Variants in KRT32 observed in about 807,000 individuals in gnomAD.
KRT32 encodes the protein keratin 32, also known as keratin, type I cuticular Ha2.
KRT32 carries 44 observed loss-of-function variants against 41.8 expected under a neutral mutation model. The observed-to-expected ratio is 1.05, with a 90% CI of 0.83 to 1.35. The LOEUF (loss-of-function observed/expected upper bound fraction) is 1.35. KRT32 is among the 40% of genes most tolerant of loss of function. The pLI is 0.00. For missense variants in KRT32, 576 were observed against 584.6 expected, an observed-to-expected ratio of 0.99 and a Z score of 0.15; for synonymous variants, 238 against 242.5, an observed-to-expected ratio of 0.98 and a Z score of 0.17.
chr17:41,461,671 G>A (rs989058431), intron 6 of KRT32, among the ~76,000 whole-genome samples: 1 of 152,246 alleles, frequency 6.6e-6, no homozygotes, highest in Non-Finnish European at 1.5e-5. Flanking sequence ...ATTGGACAAG[G>A]CAAGAGCTTT....
At position 41,466,143 on chromosome 17, in the gene KRT32, C is replaced by T. The variant is rs1043093479; in HGVS notation, c.502G>A (p.Val168Ile). 1.9e-6 allele frequency: 3 copies of T among 1,614,148 alleles called. No individual in the cohort carries two copies. The highest frequency in any genetic ancestry group is 2.5e-6 in the Non-Finnish European group (3 of 1,180,024). The change falls in exon 2 of 7, where the codon GTT becomes ATT. Residue 168 changes from valine (V) to isoleucine (I), a missense_variant. Transcript: ENST00000225899. The part of the protein sequence containing the change: ...LCTKAENARM[V>I]VNIDNAKLAA... ...AGTTTGGCATTATCAATGTTCACAA[C>T]CATCCTGGCATTCTCTGCCTTGGTA...
In KRT32 at chr17:41,466,937, T is replaced by C. The variant is rs1299439167; in HGVS notation, c.389A>G (p.Glu130Gly). Residue 130 changes from glutamate (E) to glycine (G), a missense_variant, in exon 1 of 7, where the codon GAG becomes GGG. Transcript: ENST00000225899. ...ENAELESRIQEASHSQVLTMT... is the reference protein window; with the variant it reads ...ENAELESRIQGASHSQVLTMT... ...GGTGAGCACCTGGGAGTGAGAGGCC[T>C]CTTGGATCCTGCTCTCCAGCTCCGC... The C allele has an allele frequency of 1.2e-6, 2 of 1,614,244 alleles. No individual in the cohort carries two copies. Among genetic ancestry groups the C allele is most frequent in the Non-Finnish European group, 1.7e-6 (2 of 1,180,044 alleles).
intron 6 of KRT32, among the ~76,000 whole-genome samples, chr17:41,462,221 C>T (rs773345267): frequency 1.6e-4 from 25 of 152,122 alleles, no homozygotes; most frequent in Non-Finnish European, 3.5e-4. Context: ...AAACAATTTC[C>T]ACTCACCTAT....
intron 6 of KRT32, among the ~76,000 whole-genome samples, chr17:41,460,485 C>G (rs976021815): frequency 3.3e-5 from 5 of 152,146 alleles, no homozygotes; most frequent in African/African-American, 1.2e-4. Flanking sequence ...CTTCTACAGT[C>G]ACAAATCCAA....
intron 5 of KRT32, 66 bp from the exon 6 acceptor site, chr17:41,463,116 C>T (rs1196358124): frequency 2.1e-6 from 3 of 1,443,842 alleles, no homozygotes; most frequent in Non-Finnish European, 2.8e-6. Context: ...TCAGAAAGAA[C>T]CAAGAAGAGC....
In KRT32 at chr17:41,460,131, G is replaced by C; in HGVS notation, c.1326C>G (p.Pro442=). ...GACTTCAGTAGCGGCCCTGGGGGCAGGGTGAGCAAGGCATGCCAACAGTGC... is the reference window on the plus strand; with the variant it reads ...GACTTCAGTAGCGGCCCTGGGGGCACGGTGAGCAAGGCATGCCAACAGTGC... ...VPRTVGMPCS[P]CPQGRY is the part of the protein sequence containing the mutation. Residue 442 remains proline (P), a synonymous_variant, in exon 7 of 7, where the codon CCC becomes CCG. Transcript: ENST00000225899. 1.2e-6 allele frequency: 2 copies of C among 1,612,072 alleles called. No homozygotes were observed. Among genetic ancestry groups the C allele is most frequent in the Non-Finnish European group, 1.7e-6 (2 of 1,179,046 alleles).
chr17:41,462,686 T>G, intron 6 of KRT32, 144 bp downstream of exon 6: 1 of 903,790 alleles, frequency 1.1e-6, no homozygotes, highest in Non-Finnish European at 1.7e-6. Flanking sequence ...CCTGACTTCC[T>G]TCAGAGCATA....
At position 41,465,890 on chromosome 17, in the gene KRT32, G is replaced by A. The variant is rs144482548; in HGVS notation, c.591C>T (p.Ala197=). ...AELAMRQLVE[A]DINGLRRILD... ...GGATCCTGCGCAGGCCATTGATGTC[G>A]GCCTCCACCAGCTGCCGCATGGCCA... Residue 197 remains alanine, a synonymous_variant, in exon 3 of 7, where the codon GCC becomes GCT. Transcript: ENST00000225899. 1,317 of 1,613,882 alleles carry A rather than the reference G, an allele frequency of 8.2e-4. 1 individual carries two copies. Among genetic ancestry groups the A allele is most frequent in the Non-Finnish European group, 1.1e-3 (1,242 of 1,179,882 alleles).
Position 41,462,984 on chromosome 17 carries a change from G to A in KRT32, c.1063C>T (p.Gln355Ter), listed in dbSNP as rs775539766. Reference protein sequence around the residue: ...ARYSSQLAQMQCMITNVEAQL... With the variant: ...ARYSSQLAQM ...GCCTCAACGTTGGTGATCATGCACT[G>A]CATCTGGGCCAGCTGGGAGCTGTAG... The change falls in exon 6 of 7, where the codon CAG (glutamine) becomes TAG (stop). Residue 355 changes from glutamine to a stop codon, truncating the protein, a stop_gained. Coordinates refer to ENST00000225899, the MANE Select transcript of KRT32 (RefSeq NM_002278.3). LOFTEE classifies it high-confidence loss of function. The A allele has an allele frequency of 2.5e-6, 4 of 1,614,068 alleles. No individual in the cohort carries two copies. The highest frequency in any genetic ancestry group is 3.4e-6 in the Non-Finnish European group (4 of 1,179,922).
chr17:41,464,077 C>A lies in KRT32; in HGVS notation c.996+1G>T, dbSNP rs1456289491. Reference sequence around the variant, plus strand: ...ATGGGTGCCCACCCAGCAGCTCTCACCAGGCTGTGCTGGGCCTGCAGCTCG... The same window carrying A: ...ATGGGTGCCCACCCAGCAGCTCTCAACAGGCTGTGCTGGGCCTGCAGCTCG... On this transcript the variant is annotated splice_donor_variant, in intron 5 of 6. Transcript: ENST00000225899. LOFTEE classifies it high-confidence loss of function. 6 of 1,585,814 alleles carry A rather than the reference C, an allele frequency of 3.8e-6. No homozygotes were observed. The African/African-American group carries it at 6.7e-5, about 18-fold the overall frequency.
At chr17:41,465,215 T>C (rs2019053493) in intron 3 of KRT32, among the ~76,000 whole-genome samples, 2 of 152,074 alleles carry the variant, frequency 1.3e-5, no homozygotes, top group African/African-American at 2.4e-5. Context: ...TTGAGCATTT[T>C]ATATGCAAAC....
chr17:41,463,618 T>C (rs1212145059), intron 5 of KRT32, among the ~76,000 whole-genome samples: 1 of 151,646 alleles, frequency 6.6e-6, no homozygotes, highest in Non-Finnish European at 1.5e-5. Context: ...GGCAGGAAAA[T>C]CACTTGAACC....
At chr17:41,461,605 T>C (rs959063934) in intron 6 of KRT32, among the ~76,000 whole-genome samples, 37 of 152,260 alleles carry the variant, frequency 2.4e-4, no homozygotes, top group African/African-American at 8.9e-4. Context: ...AGATCAGCAA[T>C]ATTGGACCTG....
chr17:41,462,226 A>T (rs1298344953), intron 6 of KRT32, among the ~76,000 whole-genome samples: 1 of 151,548 alleles, frequency 6.6e-6, no homozygotes, highest in East Asian at 1.9e-4. Flanking sequence ...ATTTCCACTC[A>T]CCTATAAATT....
chr17:41,467,061 C>A lies in KRT32; in HGVS notation c.265G>T (p.Glu89Ter), dbSNP rs565998951. 4.2e-5 allele frequency: 68 copies of A among 1,614,132 alleles called. No homozygotes were observed. The highest frequency in any genetic ancestry group is 5.1e-5 in the Non-Finnish European group (60 of 1,180,056). Residue 89 changes from glutamate (E) to a stop codon, truncating the protein, a stop_gained, in exon 1 of 7, where the codon GAA becomes TAA. Coordinates refer to ENST00000225899, the MANE Select transcript of KRT32 (RefSeq NM_002278.3). LOFTEE classifies it high-confidence loss of function. ...GSMGPGSWYSEGAFNGNEKET... is the reference protein window; with the variant it reads ...GSMGPGSWYS ...TTCTCATTGCCATTGAAGGCCCCTT[C>A]GCTGTACCAGCTGCCGGGGCCCATG...
chr17:41,465,710 C>A, intron 3 of KRT32, 63 bp downstream of exon 3: 1 of 1,554,252 alleles, frequency 6.4e-7, no homozygotes. Context: ...CTATCCAACC[C>A]CATACCCCAC....
intron 6 of KRT32, 114 bp from the exon 7 acceptor site, chr17:41,460,353 C>A: frequency 7.6e-7 from 1 of 1,314,150 alleles, no homozygotes; most frequent in Non-Finnish European, 1.1e-6. Context: ...GCTTTCTCTG[C>A]CCAGCCTCCC....
At chr17:41,463,217 G>T (rs1597741436) in intron 5 of KRT32, among the ~76,000 whole-genome samples, 167 bp from the exon 6 acceptor site, 1 of 152,288 alleles carries the variant, frequency 6.6e-6, no homozygotes, top group East Asian at 1.9e-4. Context: ...TTGTTCAAGG[G>T]TAAACAGCTG....
intron 3 of KRT32, 151 bp downstream of exon 3, chr17:41,465,622 G>T: frequency 1.5e-6 from 1 of 667,820 alleles, no homozygotes; most frequent in South Asian, 2.1e-5. Flanking sequence ...TTACAGAAGA[G>T]GAGGCTCAGG....
Sources: gnomAD v4.1 joint callset for allele counts (sites outside exome capture counted in the v4.1 genomes callset) on GRCh38, gnomAD v4.1.1 for gene constraint, MANE v1.5 for transcripts, NCBI Gene and HGNC (gene_info 2026-07-23, HGNC 2026-07-21) for gene names.